Variants in KSR2 observed in about 807,000 individuals in gnomAD.
KSR2 encodes kinase suppressor of ras 2.
A neutral mutation model predicts 107.8 loss-of-function variants in KSR2; 25 were observed. That is an observed-to-expected ratio of 0.23 (90% confidence interval 0.17 to 0.32). The LOEUF (loss-of-function observed/expected upper bound fraction) is 0.32, where lower values mean the gene tolerates loss of function less well. Among genes scored for constraint, KSR2 ranks in the 10% least tolerant of loss-of-function variants. The pLI, the probability that KSR2 is intolerant of heterozygous loss-of-function variation, is 1.00. For missense variants in KSR2, 887 were observed against 1,268.9 expected, an observed-to-expected ratio of 0.70 and a Z score of 4.57; for synonymous variants, 480 against 507.0, an observed-to-expected ratio of 0.95 and a Z score of 0.71.
chr12:117,743,905 G>A (rs1888309993), intron 4 of KSR2, among the ~76,000 whole-genome samples: 1 of 152,142 alleles, frequency 6.6e-6, no homozygotes, highest in Non-Finnish European at 1.5e-5. Context: ...TTCAATGCCT[G>A]GCCTCCAGAT....
At chr12:117,745,384 C>T (rs548286087) in intron 4 of KSR2, among the ~76,000 whole-genome samples, 1 of 152,216 alleles carries the variant, frequency 6.6e-6, no homozygotes, top group South Asian at 2.1e-4. Flanking sequence ...GCAAAGGAAA[C>T]AATCAAGAGA....
chr12:117,968,290 T>G lies in KSR2; in HGVS notation c.-35A>C, dbSNP rs761493232. On this transcript the variant is annotated 5_prime_UTR_variant, in exon 1 of 20. Transcript: ENST00000339824. ...TGCAACCCCCTTCCCCTCCTCCTCC[T>G]CCCAGAGAGAAAAAAGAGGGGGGGG... 2 of 395,180 alleles carry G rather than the reference T, an allele frequency of 5.1e-6. No homozygotes were observed. Among genetic ancestry groups the G allele is most frequent in the South Asian group, 2.6e-5 (1 of 38,042 alleles). 24.5% of individuals were successfully genotyped at this position (395,180 alleles called of 1,614,324 possible).
chr12:117,776,874 G>A (rs941322348), intron 3 of KSR2, among the ~76,000 whole-genome samples: 1 of 151,678 alleles, frequency 6.6e-6, no homozygotes, highest in Admixed American at 6.6e-5. Context: ...GAACTGTTTT[G>A]TTATACAATC....
intron 5 of KSR2, among the ~76,000 whole-genome samples, chr12:117,616,965 T>C (rs958729452): frequency 6.6e-6 from 1 of 152,198 alleles, no homozygotes; most frequent in Admixed American, 6.5e-5. Context: ...CTAGGAGCCC[T>C]GCATTAACCA....
chr12:117,882,859 A>G lies in KSR2; in HGVS notation c.181-22428T>C, dbSNP rs548784914. Among the ~76,000 whole-genome samples the G allele has an allele frequency of 5.4e-4, 82 of 151,936 alleles. 1 individual carries two copies. Among genetic ancestry groups the G allele is most frequent in the African/African-American group, 2.0e-3 (81 of 41,432 alleles). On this transcript the variant is annotated intron_variant, in intron 1 of 19. Transcript: ENST00000339824. ...TATTCATCCATCCATCCAACAATCC[A>G]TCCATCCAATCATCCATGCAGGCAT...
At chr12:117,877,729 C>T (rs977873086) in intron 1 of KSR2, among the ~76,000 whole-genome samples, 2 of 152,076 alleles carry the variant, frequency 1.3e-5, no homozygotes, top group African/African-American at 4.8e-5. Context: ...AAGCCTGTCC[C>T]CTTCCTTATT....
chr12:117,666,526 G>A (rs761855707), intron 5 of KSR2, among the ~76,000 whole-genome samples: 21 of 152,168 alleles, frequency 1.4e-4, no homozygotes, highest in Admixed American at 2.0e-4. Context: ...GACATCCCTG[G>A]GCCTCAGTTT....
At chr12:117,882,684 T>A (rs1433630600) in intron 1 of KSR2, among the ~76,000 whole-genome samples, 10 of 151,082 alleles carry the variant, frequency 6.6e-5, no homozygotes, top group Non-Finnish European at 1.0e-4. Flanking sequence ...CAACAATCCA[T>A]CCATCCAACC....
At chr12:117,947,205 A>AAAAGAAAGAAAAG (rs1555260438) in intron 1 of KSR2, among the ~76,000 whole-genome samples, 9 of 69,262 alleles carry the variant, frequency 1.3e-4, no homozygotes, top group Admixed American at 5.1e-4. Context: ...GAAAAGAAAG[A>AAAAGAAAGAAAAG]AAAGAAAGAA....
chr12:117,664,566 A>G (rs55868382), intron 5 of KSR2, among the ~76,000 whole-genome samples: 19 of 152,248 alleles, frequency 1.2e-4, no homozygotes, highest in African/African-American at 3.6e-4. Flanking sequence ...CCCAACCCCA[A>G]GCCCCACCCA....
intron 3 of KSR2, among the ~76,000 whole-genome samples, chr12:117,789,786 G>T (rs534503660): frequency 1.2e-4 from 18 of 152,212 alleles, no homozygotes; most frequent in Non-Finnish European, 7.4e-5. Context: ...TGAGTGTCAG[G>T]TACCTGGAGA....
intron 5 of KSR2, among the ~76,000 whole-genome samples, chr12:117,657,693 C>A (rs936204333): frequency 6.6e-6 from 1 of 152,206 alleles, no homozygotes; most frequent in Non-Finnish European, 1.5e-5. Flanking sequence ...TGGAGGGCAA[C>A]AAGTAGAATT....
chr12:117,858,932 T>G (rs1482430621), intron 2 of KSR2, among the ~76,000 whole-genome samples: 1 of 152,200 alleles, frequency 6.6e-6, no homozygotes, highest in Admixed American at 6.5e-5. Context: ...GATGCAGTGA[T>G]GTCCGCTGGT....
intron 4 of KSR2, among the ~76,000 whole-genome samples, chr12:117,727,539 G>C (rs1264444515): frequency 6.6e-6 from 1 of 151,698 alleles, no homozygotes; most frequent in Non-Finnish European, 1.5e-5. Flanking sequence ...AGGAGGAAGA[G>C]GAGGAGGAGG....
At chr12:117,518,230 G>A (rs1266095163) in intron 14 of KSR2, among the ~76,000 whole-genome samples, 3 of 152,106 alleles carry the variant, frequency 2.0e-5, no homozygotes, top group South Asian at 2.1e-4. Context: ...GGTGACATGC[G>A]CCAAATGAGA....
intron 5 of KSR2, among the ~76,000 whole-genome samples, chr12:117,646,732 C>A (rs1042055932): frequency 1.3e-5 from 2 of 152,128 alleles, no homozygotes; most frequent in Non-Finnish European, 2.9e-5. Context: ...CTGCCCCCTC[C>A]TTCTCACTCC....
intron 5 of KSR2, among the ~76,000 whole-genome samples, chr12:117,582,855 G>C (rs1200054607): frequency 6.6e-6 from 1 of 152,182 alleles, no homozygotes; most frequent in African/African-American, 2.4e-5. Flanking sequence ...ATGAAAGTTA[G>C]AGTGCAGTGG....
intron 5 of KSR2, among the ~76,000 whole-genome samples, chr12:117,600,216 C>G (rs1177299011): frequency 6.6e-6 from 1 of 152,194 alleles, no homozygotes; most frequent in Non-Finnish European, 1.5e-5. Context: ...AGGAGGAAAA[C>G]AAATTCACAA....
At chr12:117,668,607 C>T (rs528796353) in intron 4 of KSR2, among the ~76,000 whole-genome samples, 10 of 152,334 alleles carry the variant, frequency 6.6e-5, no homozygotes, top group Admixed American at 4.6e-4. Context: ...GGTCTCACCA[C>T]CCCCGGGTGA....
Sources: gnomAD v4.1 joint callset for allele counts (sites outside exome capture counted in the v4.1 genomes callset) on GRCh38, gnomAD v4.1.1 for gene constraint, MANE v1.5 for transcripts, NCBI Gene and HGNC (gene_info 2026-07-23, HGNC 2026-07-21) for gene names.